FER: variants seen among roughly 807,000 people sequenced by gnomAD.
FER encodes the protein FER tyrosine kinase.
FER carries 63 observed loss-of-function variants against 111.0 expected under a neutral mutation model. The observed-to-expected ratio is 0.57, with a 90% CI of 0.46 to 0.70. The LOEUF is 0.70. Among genes scored for constraint, FER ranks in the 30% least tolerant of loss-of-function variants. The pLI is 0.00. For synonymous variants in FER, 327 were observed against 313.9 expected (o/e 1.04, Z -0.44); for missense variants, 914 against 954.0 (o/e 0.96, Z 0.55).
At chr5:108,932,167 A>C (rs7713828) in intron 10 of FER, among the ~76,000 whole-genome samples, 28,946 of 151,820 alleles carry the variant, frequency 0.19, 3,142 homozygotes, top group African/African-American at 0.3. Context: ...GCTATCCCTC[A>C]CCTAGCCCCC....
rs1054992675 is a variant in FER at position 109,196,396 on chromosome 5, T to A, written c.*8821T>A. The A allele has an allele frequency of 1.3e-5, 2 of 152,232 alleles. No homozygotes were observed. Among genetic ancestry groups the A allele is most frequent in the African/African-American group, 4.8e-5 (2 of 41,462 alleles). The allele number at this position is 152,232 out of a possible 1,614,324, so 9.4% of individuals were successfully genotyped here. Reference sequence around the variant, plus strand: ...CCATTTAATGTTAGGCTAAAGCACCTTTAATCATTTTTGTTGTTTTAAGAT... The same window carrying A: ...CCATTTAATGTTAGGCTAAAGCACCATTAATCATTTTTGTTGTTTTAAGAT... On this transcript the variant is annotated 3_prime_UTR_variant, in exon 20 of 20. Transcript: ENST00000281092.
chr5:109,007,137 T>C (rs1765602216), intron 13 of FER, among the ~76,000 whole-genome samples: 1 of 152,206 alleles, frequency 6.6e-6, no homozygotes. Flanking sequence ...TTACATTGTC[T>C]ATTGATATTG....
chr5:108,852,501 A>C (rs1329822445), intron 5 of FER, among the ~76,000 whole-genome samples: 2 of 152,162 alleles, frequency 1.3e-5, no homozygotes, highest in Non-Finnish European at 2.9e-5. Context: ...TTTTGGCGAT[A>C]TTTAAATATC....
At chr5:109,124,562 T>G (rs1751420110) in intron 17 of FER, among the ~76,000 whole-genome samples, 1 of 151,344 alleles carries the variant, frequency 6.6e-6, no homozygotes, top group Admixed American at 6.6e-5. Context: ...TGTCATTTCT[T>G]AGAAGACAGA....
chr5:108,808,558 T>C (rs1486889484), intron 3 of FER, among the ~76,000 whole-genome samples: 1 of 152,130 alleles, frequency 6.6e-6, no homozygotes, highest in Admixed American at 6.5e-5. Flanking sequence ...CTTGCAACTC[T>C]GTGCCTTTTA....
At chr5:108,884,978 C>G (rs1461485627) in intron 9 of FER, among the ~76,000 whole-genome samples, 1 of 151,934 alleles carries the variant, frequency 6.6e-6, no homozygotes, top group African/African-American at 2.4e-5. Flanking sequence ...ACTCAAAATG[C>G]CAGATCTTAA....
chr5:108,849,328 C>G (rs1186053813), intron 5 of FER, among the ~76,000 whole-genome samples: 2 of 152,048 alleles, frequency 1.3e-5, no homozygotes, highest in Non-Finnish European at 2.9e-5. Flanking sequence ...TCCTAATGCT[C>G]TGATAATTTT....
intron 13 of FER, among the ~76,000 whole-genome samples, chr5:108,977,960 C>T (rs563678870): frequency 5.3e-5 from 8 of 152,284 alleles, no homozygotes; most frequent in African/African-American, 1.9e-4. Context: ...ATCCTCCTGC[C>T]TCAGCCTCCC....
chr5:109,127,813 G>T (rs1241870787), intron 17 of FER, among the ~76,000 whole-genome samples: 2 of 151,924 alleles, frequency 1.3e-5, no homozygotes, highest in Non-Finnish European at 2.9e-5. Flanking sequence ...TTTTACTAGG[G>T]ACCCAGAATC....
At chr5:109,053,961 G>A (rs1773277623) in intron 16 of FER, among the ~76,000 whole-genome samples, 1 of 152,050 alleles carries the variant, frequency 6.6e-6, no homozygotes, top group Non-Finnish European at 1.5e-5. Context: ...AAAGTGCTAG[G>A]ATTACAGACG....
chr5:109,092,237 C>CA (rs1746871047), intron 16 of FER, among the ~76,000 whole-genome samples: 1 of 91,326 alleles, frequency 1.1e-5, no homozygotes, highest in African/African-American at 4.2e-5. Flanking sequence ...GCAACTAATG[C>CA]AAAAATAGAC....
chr5:108,848,389 C>G (rs1462790904), intron 5 of FER, among the ~76,000 whole-genome samples: 1 of 152,034 alleles, frequency 6.6e-6, no homozygotes, highest in African/African-American at 2.4e-5. Flanking sequence ...TCCACGTATT[C>G]TGTATTTCAC....
chr5:108,956,184 A>T (rs1243749761), intron 12 of FER, among the ~76,000 whole-genome samples: 1 of 151,600 alleles, frequency 6.6e-6, no homozygotes, highest in Admixed American at 6.6e-5. Flanking sequence ...TTTCCTTGGC[A>T]AACTCTTTTG....
At chr5:108,792,739 G>A (rs1371980467) in intron 2 of FER, among the ~76,000 whole-genome samples, 1 of 151,110 alleles carries the variant, frequency 6.6e-6, no homozygotes, top group East Asian at 1.9e-4. Context: ...TTTTGTAATA[G>A]AATTGTTTTC....
chr5:109,127,136 G>A (rs1003742307), intron 17 of FER, among the ~76,000 whole-genome samples: 20 of 152,234 alleles, frequency 1.3e-4, no homozygotes, highest in African/African-American at 4.8e-4. Context: ...TTTATTGTAT[G>A]CACTTCCATC....
chr5:109,186,106 GT>G (rs1758836727), intron 18 of FER, 93 bp from the exon 19 acceptor site: 5 of 1,532,610 alleles, frequency 3.3e-6, no homozygotes, highest in African/African-American at 1.4e-5. Flanking sequence ...ACATCATTAT[GT>G]GGTGCATGAC....
intron 13 of FER, among the ~76,000 whole-genome samples, chr5:109,035,576 C>T (rs564572471): frequency 1.4e-4 from 21 of 152,046 alleles, no homozygotes; most frequent in Non-Finnish European, 2.9e-4. Flanking sequence ...TTGGCTATTA[C>T]AAATAGAGCT....
chr5:108,926,750 G>C (rs942615870), intron 10 of FER, among the ~76,000 whole-genome samples: 7 of 152,136 alleles, frequency 4.6e-5, no homozygotes, highest in Non-Finnish European at 1.0e-4. Flanking sequence ...ACACATACCT[G>C]AATTGATCAT....
At chr5:108,897,502 T>A (rs1351915110) in intron 9 of FER, 157 bp from the exon 10 acceptor site, 3 of 537,368 alleles carry the variant, frequency 5.6e-6, no homozygotes, top group Non-Finnish European at 9.3e-6. Context: ...ATGTAATAAA[T>A]ACTGTGATAA....
Sources: allele counts gnomAD v4.1 joint callset (sites outside exome capture counted in the v4.1 genomes callset), GRCh38; gene constraint gnomAD v4.1.1; transcripts MANE v1.5; gene names NCBI Gene and HGNC (gene_info 2026-07-23, HGNC 2026-07-21).